GLRB: variants seen among roughly 807,000 people sequenced by gnomAD.
GLRB encodes glycine receptor subunit beta.
A neutral mutation model predicts 54.2 loss-of-function variants in GLRB; 33 were observed. That is an observed-to-expected ratio of 0.61 (90% CI 0.46 to 0.81). The LOEUF (loss-of-function observed/expected upper bound fraction) is 0.81, where lower values mean the gene tolerates loss of function less well. Ranked by LOEUF, GLRB falls within the 40% of genes least tolerant of loss-of-function variation. The pLI is 0.00. For missense variants in GLRB, 572 were observed against 584.6 expected (o/e 0.98, Z 0.22); for synonymous variants, 209 against 208.2 (o/e 1.00, Z -0.03).
chr4:157,102,498 G>A (rs545940661), intron 2 of GLRB, among the ~76,000 whole-genome samples: 4 of 152,144 alleles, frequency 2.6e-5, no homozygotes, highest in African/African-American at 7.2e-5. Context: ...TATCTGTCTT[G>A]TTGCATACAG....
Position 157,136,462 on chromosome 4 carries a change from T to C in GLRB, c.298-7T>C. On this transcript the variant is annotated splice_polypyrimidine_tract_variant and splice_region_variant and intron_variant, in intron 4 of 9. Coordinates refer to ENST00000264428, the MANE Select transcript of GLRB (RefSeq NM_000824.5). ...TACACATGTGCACGCATGTACTTTT[T>C]CTTCAGGACTATAGAGTTAACATCT... 6.7e-7 allele frequency: 1 copy of C among 1,502,858 alleles called. No individual in the cohort carries two copies. The highest frequency in any genetic ancestry group is 9.3e-7 in the Non-Finnish European group (1 of 1,078,690). 93.1% of individuals were successfully genotyped at this position (1,502,858 alleles called of 1,614,324 possible).
At position 157,081,193 on chromosome 4, in the gene GLRB, G is replaced by A. The variant is rs551305031; in HGVS notation, c.122+3047G>A. 1.6e-3 allele frequency among the ~76,000 whole-genome samples: 242 copies of A among 152,164 alleles called. 1 individual carries two copies. Among genetic ancestry groups the A allele is most frequent in the African/African-American group, 5.5e-3 (227 of 41,510 alleles). On this transcript the variant is annotated intron_variant, in intron 2 of 9. Coordinates refer to ENST00000264428, the MANE Select transcript of GLRB (RefSeq NM_000824.5). ...CTTTAAATTAATAAAAATATTTTAG[G>A]TAAGTCCTTGGACAGTTACCTTTTT...
intron 3 of GLRB, among the ~76,000 whole-genome samples, chr4:157,122,082 A>G (rs1397847008): frequency 2.0e-5 from 3 of 147,554 alleles, no homozygotes; most frequent in African/African-American, 7.4e-5. Flanking sequence ...TTTAAGACAT[A>G]ATTCTTCCTG....
Position 157,099,275 on chromosome 4 carries a change from G to A in GLRB, c.122+21129G>A, listed in dbSNP as rs565524355. ...ATTCTAGGAGTTCAGGTGAAGTTCAGCTGTTACTATTGAATATTCATAATG... is the reference window on the plus strand; with the variant it reads ...ATTCTAGGAGTTCAGGTGAAGTTCAACTGTTACTATTGAATATTCATAATG... On this transcript the variant is annotated intron_variant, in intron 2 of 9. Coordinates refer to ENST00000264428, the MANE Select transcript of GLRB (RefSeq NM_000824.5). Among the ~76,000 whole-genome samples, 4 of 152,070 alleles carry A rather than the reference G, an allele frequency of 2.6e-5. No individual in the cohort carries two copies. The South Asian group carries it at 8.3e-4, about 32-fold the overall frequency.
At chr4:157,085,958 G>GTA (rs1560932811) in intron 2 of GLRB, among the ~76,000 whole-genome samples, 1 of 151,986 alleles carries the variant, frequency 6.6e-6, no homozygotes, top group Non-Finnish European at 1.5e-5. Flanking sequence ...ATGTGTGTAG[G>GTA]TATGTATATA....
intron 2 of GLRB, among the ~76,000 whole-genome samples, chr4:157,119,384 C>T (rs1735719792): frequency 6.6e-6 from 1 of 151,538 alleles, no homozygotes; most frequent in South Asian, 2.1e-4. Flanking sequence ...TCTCTCTGGT[C>T]AGATTGTTTT....
In GLRB at chr4:157,122,416, T is replaced by G; in HGVS notation, c.297+19T>G. 1.1e-6 allele frequency: 1 copy of G among 929,736 alleles called. No individual in the cohort carries two copies. The highest frequency in any genetic ancestry group is 1.7e-6 in the Non-Finnish European group (1 of 579,020). The allele number at this position is 929,736 out of a possible 1,614,324, so 57.6% of individuals were successfully genotyped here. A position where few individuals can be genotyped will look rare whatever the true frequency, so the allele number is the denominator to read the frequency against. Reference sequence around the variant, plus strand: ...AACAATGGTAAGATTGCAATTAATTTAATATTTTGTCAAATATTTCAATAG... The same window carrying G: ...AACAATGGTAAGATTGCAATTAATTGAATATTTTGTCAAATATTTCAATAG... On this transcript the variant is annotated intron_variant, in intron 4 of 9. Transcript: ENST00000264428.
chr4:157,106,560 C>T (rs978088721), intron 2 of GLRB, among the ~76,000 whole-genome samples: 3 of 152,050 alleles, frequency 2.0e-5, no homozygotes, highest in African/African-American at 7.2e-5. Flanking sequence ...AATAAAACAG[C>T]AGAAGATAGG....
intron 9 of GLRB, among the ~76,000 whole-genome samples, chr4:157,162,072 T>A (rs1005469710): frequency 2.6e-5 from 4 of 152,038 alleles, no homozygotes; most frequent in Non-Finnish European, 4.4e-5. Context: ...TCGCTTCATT[T>A]CATTCATTTG....
At chr4:157,149,067 C>T (rs1364273176) in intron 8 of GLRB, among the ~76,000 whole-genome samples, 1 of 152,032 alleles carries the variant, frequency 6.6e-6, no homozygotes, top group Non-Finnish European at 1.5e-5. Context: ...TGTTTTGATT[C>T]TGCATATCTT....
At chr4:157,091,851 C>T (rs1217299414) in intron 2 of GLRB, among the ~76,000 whole-genome samples, 1 of 152,096 alleles carries the variant, frequency 6.6e-6, no homozygotes, top group Admixed American at 6.5e-5. Flanking sequence ...TTAACTTCTT[C>T]CTAGGGTTTG....
At chr4:157,141,950 C>A (rs1053653784) in intron 7 of GLRB, among the ~76,000 whole-genome samples, 1 of 151,904 alleles carries the variant, frequency 6.6e-6, no homozygotes, top group Non-Finnish European at 1.5e-5. Context: ...TGTAGTAAAT[C>A]GTTATAATAT....
chr4:157,152,658 G>A (rs1737065491), intron 8 of GLRB, 60 bp from the exon 9 acceptor site: 1 of 1,294,156 alleles, frequency 7.7e-7, no homozygotes, highest in African/African-American at 1.5e-5. Flanking sequence ...AAAGAGTAAT[G>A]ACCCCAGAAC....
rs369765549 is a variant in GLRB at position 157,120,514 on chromosome 4, G to C, written c.123-42G>C. 5.8e-6 allele frequency: 6 copies of C among 1,030,078 alleles called. No individual in the cohort carries two copies. The African/African-American group carries it at 7.9e-5, about 14-fold the overall frequency. 63.8% of individuals were successfully genotyped at this position (1,030,078 alleles called of 1,614,324 possible). On this transcript the variant is annotated intron_variant, in intron 2 of 9. Transcript: ENST00000264428. ...TGAGAATTACCCATTTCTGTTGTTTGCTATTTATAACTACTTATCAGGATT... is the reference window on the plus strand; with the variant it reads ...TGAGAATTACCCATTTCTGTTGTTTCCTATTTATAACTACTTATCAGGATT...
chr4:157,156,098 G>A (rs957881473), intron 9 of GLRB, among the ~76,000 whole-genome samples: 9 of 152,142 alleles, frequency 5.9e-5, no homozygotes, highest in South Asian at 2.1e-4. Context: ...TTTTAGTTCC[G>A]TATGAGTTTT....
chr4:157,136,393 T>G, intron 4 of GLRB, 76 bp from the exon 5 acceptor site: 1 of 841,700 alleles, frequency 1.2e-6, no homozygotes, highest in Admixed American at 1.9e-5. Context: ...TTGTAACCCT[T>G]TTTGTTTTGG....
intron 4 of GLRB, among the ~76,000 whole-genome samples, chr4:157,133,462 C>T (rs1268954717): frequency 6.6e-6 from 1 of 151,864 alleles, no homozygotes; most frequent in Non-Finnish European, 1.5e-5. Flanking sequence ...AATTAGATGT[C>T]CATTGTGAAC....
In GLRB at chr4:157,078,172, T is replaced by C. The variant is rs746927520; in HGVS notation, c.122+26T>C. On this transcript the variant is annotated intron_variant, in intron 2 of 9. Coordinates refer to ENST00000264428, the MANE Select transcript of GLRB (RefSeq NM_000824.5). ...GTATGTTCTTCATGTCTTATATTCT[T>C]ATATGGAGAAATGTTATTGCGTGTT... 2.5e-6 allele frequency: 4 copies of C among 1,610,358 alleles called. No individual in the cohort carries two copies. The Admixed American group carries it at 6.7e-5, about 27-fold the overall frequency.
In GLRB at chr4:157,120,670, TCCCCCA is replaced by T; in HGVS notation, c.229+9_229+14del. Reference sequence around the variant, plus strand: ...TAAGACCAAACTTCAAAGGTTTGTCTCCCCCATATAAATGTTCATTTTTATTGTTTA... The same window carrying T: ...TAAGACCAAACTTCAAAGGTTTGTCTTATAAATGTTCATTTTTATTGTTTA... On this transcript the variant is annotated intron_variant, in intron 3 of 9. Coordinates refer to ENST00000264428, the MANE Select transcript of GLRB (RefSeq NM_000824.5). 3 of 1,288,532 alleles carry T rather than the reference TCCCCCA, an allele frequency of 2.3e-6. No individual in the cohort carries two copies. The highest frequency in any genetic ancestry group is 3.4e-6 in the Non-Finnish European group (3 of 886,734). 79.8% of individuals were successfully genotyped at this position (1,288,532 alleles called of 1,614,324 possible).
Sources: gnomAD v4.1 joint callset for allele counts (sites outside exome capture counted in the v4.1 genomes callset) on GRCh38, gnomAD v4.1.1 for gene constraint, MANE v1.5 for transcripts, NCBI Gene and HGNC (gene_info 2026-07-23, HGNC 2026-07-21) for gene names.